HNRNPLL: variants seen among roughly 807,000 people sequenced by gnomAD.
HNRNPLL encodes the protein heterogeneous nuclear ribonucleoprotein L-like.
HNRNPLL carries 25 observed loss-of-function variants against 67.1 expected under a neutral mutation model. The observed-to-expected ratio is 0.37, with a 90% CI of 0.27 to 0.52. The LOEUF is 0.52. Among genes scored for constraint, HNRNPLL ranks in the 20% least tolerant of loss-of-function variants. The pLI is 0.90. For missense variants in HNRNPLL, 542 were observed against 673.9 expected (o/e 0.80, Z 2.17); for synonymous variants, 267 against 241.7 (o/e 1.10, Z -0.97).
chr2:38,585,793 C>A lies in HNRNPLL; in HGVS notation c.397G>T (p.Asp133Tyr). 6.2e-7 allele frequency: 1 copy of A among 1,613,986 alleles called. No individual in the cohort carries two copies. Among genetic ancestry groups the A allele is most frequent in the Non-Finnish European group, 8.5e-7 (1 of 1,179,868 alleles). ...TGACCAGCAATGTACACGGGTTCAT[C>A]TGCAGCAAATGTCACACATTCTTTG... Reference protein sequence around the residue: ...SAKECVTFAADEPVYIAGQQA... With the variant: ...SAKECVTFAAYEPVYIAGQQA... Residue 133 changes from aspartate to tyrosine, a missense_variant, in exon 3 of 13, where the codon GAT becomes TAT. Transcript: ENST00000449105.
At chr2:38,580,699 CCA>C (rs1424721337) in intron 6 of HNRNPLL, among the ~76,000 whole-genome samples, 7 of 152,184 alleles carry the variant, frequency 4.6e-5, no homozygotes, top group African/African-American at 1.7e-4. Context: ...TCCAGAATTG[CCA>C]CACAGTTAGT....
intron 1 of HNRNPLL, among the ~76,000 whole-genome samples, chr2:38,601,002 G>A (rs1207191488): frequency 1.3e-5 from 2 of 152,312 alleles, no homozygotes; most frequent in African/African-American, 2.4e-5. Flanking sequence ...ACCCAAGCAA[G>A]ATTTCTAGCA....
chr2:38,597,856 T>G (rs962338824), intron 1 of HNRNPLL, among the ~76,000 whole-genome samples: 8 of 151,984 alleles, frequency 5.3e-5, no homozygotes, highest in African/African-American at 1.9e-4. Context: ...CCCGGCTAAT[T>G]TTTTGTATTT....
At chr2:38,593,135 T>C (rs540334039) in intron 1 of HNRNPLL, among the ~76,000 whole-genome samples, 223 of 152,368 alleles carry the variant, frequency 1.5e-3, no homozygotes, top group Non-Finnish European at 2.7e-3. Flanking sequence ...TTTATTTGAA[T>C]TGCTTATGCT....
intron 12 of HNRNPLL, chr2:38,565,919 A>T (rs1474981076): frequency 1.6e-6 from 1 of 634,706 alleles, no homozygotes; most frequent in Non-Finnish European, 2.0e-6. Flanking sequence ...GAAAGCTAGA[A>T]TATTTTAAAG....
At chr2:38,583,272 T>C (rs1666606232) in intron 4 of HNRNPLL, among the ~76,000 whole-genome samples, 1 of 152,210 alleles carries the variant, frequency 6.6e-6, no homozygotes, top group Non-Finnish European at 1.5e-5. Context: ...GTAAGCACTA[T>C]TAAAGCGTTT....
intron 1 of HNRNPLL, among the ~76,000 whole-genome samples, chr2:38,600,884 A>G (rs78256362): frequency 6.6e-6 from 1 of 152,216 alleles, no homozygotes; most frequent in Admixed American, 6.5e-5. Flanking sequence ...AACATCCAAA[A>G]TAATACTATT....
At chr2:38,590,567 T>C (rs1007182383) in intron 2 of HNRNPLL, among the ~76,000 whole-genome samples, 3 of 152,240 alleles carry the variant, frequency 2.0e-5, no homozygotes, top group African/African-American at 7.2e-5. Context: ...TTAGAATTTT[T>C]AAGTGTCTAT....
At chr2:38,586,628 T>C (rs1459046009) in intron 2 of HNRNPLL, among the ~76,000 whole-genome samples, 1 of 152,218 alleles carries the variant, frequency 6.6e-6, no homozygotes, top group African/African-American at 2.4e-5. Flanking sequence ...GAACTGACTA[T>C]ACTTTTAAAA....
At chr2:38,569,373 T>C (rs779566797) in intron 9 of HNRNPLL, 39 bp from the exon 10 acceptor site, 2 of 1,464,712 alleles carry the variant, frequency 1.4e-6, no homozygotes, top group South Asian at 2.3e-5. Flanking sequence ...AAGTACTTTG[T>C]TAGATAAAAA....
intron 1 of HNRNPLL, 24 bp from the exon 2 acceptor site, chr2:38,591,672 G>T: frequency 6.5e-7 from 1 of 1,541,866 alleles, no homozygotes; most frequent in Non-Finnish European, 9.0e-7. Flanking sequence ...ATAATTTCTA[G>T]TTAAAAAAAT....
intron 10 of HNRNPLL, among the ~76,000 whole-genome samples, chr2:38,568,893 G>A (rs1330851655): frequency 2.6e-5 from 4 of 152,120 alleles, no homozygotes; most frequent in African/African-American, 9.7e-5. Context: ...GCAGGATTAA[G>A]ATGACCTCAT....
chr2:38,596,890 C>A (rs969783363), intron 1 of HNRNPLL, among the ~76,000 whole-genome samples: 2 of 152,274 alleles, frequency 1.3e-5, no homozygotes, highest in Middle Eastern at 3.4e-3. Context: ...ATAATCTCTT[C>A]TTTAGGTTAA....
intron 1 of HNRNPLL, among the ~76,000 whole-genome samples, chr2:38,601,150 G>T (rs1432162336): frequency 6.6e-6 from 1 of 152,126 alleles, no homozygotes; most frequent in Non-Finnish European, 1.5e-5. Flanking sequence ...GTTACATTTT[G>T]AATATTTCAA....
chr2:38,585,637 C>A lies in HNRNPLL; in HGVS notation c.546+7G>T. Reference sequence around the variant, plus strand: ...TTTAATTTCATTTGTCATATTAAAACACATACCACTGTAATTGGATAAAGC... The same window carrying A: ...TTTAATTTCATTTGTCATATTAAAAAACATACCACTGTAATTGGATAAAGC... On this transcript the variant is annotated splice_region_variant and intron_variant, in intron 3 of 12. Coordinates refer to ENST00000449105, the MANE Select transcript of HNRNPLL (RefSeq NM_138394.4). 1 of 1,530,252 alleles carries A rather than the reference C, an allele frequency of 6.5e-7. No individual in the cohort carries two copies. The highest frequency in any genetic ancestry group is 9.1e-7 in the Non-Finnish European group (1 of 1,103,762). The allele number at this position is 1,530,252 out of a possible 1,614,324, so 94.8% of individuals were successfully genotyped here.
At chr2:38,588,619 T>A (rs1286120211) in intron 2 of HNRNPLL, among the ~76,000 whole-genome samples, 1 of 146,618 alleles carries the variant, frequency 6.8e-6, no homozygotes, top group East Asian at 2.0e-4. Context: ...AAAAGTAGCA[T>A]CAATGAAGAT....
chr2:38,589,110 T>C (rs971863834), intron 2 of HNRNPLL, among the ~76,000 whole-genome samples: 3 of 152,190 alleles, frequency 2.0e-5, no homozygotes, highest in Non-Finnish European at 4.4e-5. Context: ...AAATACAACA[T>C]GTATTTTAAA....
At chr2:38,600,487 G>A (rs1323903417) in intron 1 of HNRNPLL, among the ~76,000 whole-genome samples, 1 of 152,064 alleles carries the variant, frequency 6.6e-6, no homozygotes, top group African/African-American at 2.4e-5. Flanking sequence ...AGCACTTTGG[G>A]AGGCCAACTC....
At chr2:38,593,894 G>C (rs537817443) in intron 1 of HNRNPLL, among the ~76,000 whole-genome samples, 1 of 147,998 alleles carries the variant, frequency 6.8e-6, no homozygotes, top group East Asian at 2.0e-4. Context: ...CTAAATGCTG[G>C]CCGGGCACAG....
Sources: allele counts gnomAD v4.1 joint callset (sites outside exome capture counted in the v4.1 genomes callset), GRCh38; gene constraint gnomAD v4.1.1; transcripts MANE v1.5; gene names NCBI Gene and HGNC (gene_info 2026-07-23, HGNC 2026-07-21).